Variants in AIRE observed in about 807,000 individuals in gnomAD.
The protein encoded by AIRE is autoimmune regulator, also known as autoimmune polyendocrinopathy candidiasis ectodermal dystrophy protein.
In AIRE, 52 loss-of-function variants were observed where a neutral mutation model predicts 62.1. That is an observed-to-expected ratio of 0.84 (90% CI 0.67 to 1.06). The LOEUF (loss-of-function observed/expected upper bound fraction) is 1.06. AIRE is among the 50% of genes least tolerant of loss of function. The pLI, the probability that AIRE is intolerant of heterozygous loss-of-function variation, is 0.00. For synonymous variants in AIRE, 342 were observed against 321.6 expected (o/e 1.06, Z -0.68); for missense variants, 774 against 755.8 (o/e 1.02, Z -0.28).
In AIRE at chr21:44,286,481, T is replaced by G. The variant is rs2040483078; in HGVS notation, c.133-76T>G. 3 of 1,495,246 alleles carry G rather than the reference T, an allele frequency of 2.0e-6. No individual in the cohort carries two copies. Among genetic ancestry groups the G allele is most frequent in the Middle Eastern group, 2.2e-4 (1 of 4,508 alleles). 92.6% of individuals were successfully genotyped at this position (1,495,246 alleles called of 1,614,324 possible). On this transcript the variant is annotated intron_variant, in intron 1 of 13. Transcript: ENST00000291582. The surrounding 1 kb of genome is among the most constrained non-coding windows in gnomAD (Gnocchi z 6.0). ...GCGCCTCTGCCTGGGAGCTCCACCC[T>G]CTAGTCATGATGGAGATGGGCAGGC...
In AIRE at chr21:44,297,775, G is replaced by T; in HGVS notation, c.*48G>T. ...GCTCTGATGAGAGAGTGCTGAGAAG[G>T]ACACCTCCTTCCTCAGTCCTGGAAG... On this transcript the variant is annotated 3_prime_UTR_variant, in exon 14 of 14. Coordinates refer to ENST00000291582, the MANE Select transcript of AIRE (RefSeq NM_000383.4). The surrounding 1 kb of genome is among the most constrained non-coding windows in gnomAD (Gnocchi z 4.8). 1 of 1,555,212 alleles carries T rather than the reference G, an allele frequency of 6.4e-7. No homozygotes were observed. Among genetic ancestry groups the T allele is most frequent in the Non-Finnish European group, 8.9e-7 (1 of 1,129,512 alleles).
In AIRE at chr21:44,298,067, G is replaced by A. The variant is rs2040630198; in HGVS notation, c.*340G>A. The A allele has an allele frequency of 8.3e-6, 3 of 360,088 alleles. No individual in the cohort carries two copies. Among genetic ancestry groups the A allele is most frequent in the South Asian group, 7.4e-5 (3 of 40,480 alleles). The allele number at this position is 360,088 out of a possible 1,614,324, so 22.3% of individuals were successfully genotyped here. ...GAATCACTTGAACTCGGGAGGTGGA[G>A]GTTGCAGTGAGCTGAGATTGCGCCA... On this transcript the variant is annotated 3_prime_UTR_variant, in exon 14 of 14. Transcript: ENST00000291582.
chr21:44,287,625 C>T lies in AIRE; in HGVS notation c.538+34C>T. 3.2e-6 allele frequency: 5 copies of T among 1,539,516 alleles called. No individual in the cohort carries two copies. Among genetic ancestry groups the T allele is most frequent in the Non-Finnish European group, 4.4e-6 (5 of 1,139,822 alleles). The stretch of plus-strand genomic sequence containing the variant: ...GGCCCAGTGGGAGCGCCTCCCTTCT[C>T]CCTGGCCAGGGGCAAGGGGTCAGGG... On this transcript the variant is annotated intron_variant, in intron 4 of 13. Coordinates refer to ENST00000291582, the MANE Select transcript of AIRE (RefSeq NM_000383.4). This position sits in a 1 kb window ranked among gnomAD's most constrained non-coding sequence, Gnocchi z 4.3.
rs199612115 is a variant in AIRE, at chr21:44,288,459, G to T, written c.652+1G>T. ...CTCATCCAGCAGGTGTTTGAGTCAG[G>T]TAGACGCTGTGGCGGGGAGATGGGG... On this transcript the variant is annotated splice_donor_variant, in intron 5 of 13. Transcript: ENST00000291582. LOFTEE classifies it high-confidence loss of function. 2.3e-5 allele frequency: 36 copies of T among 1,592,044 alleles called. No homozygotes were observed. In the East Asian group the frequency reaches 7.1e-4, roughly 32 times the overall value.
intron 10 of AIRE, among the ~76,000 whole-genome samples, chr21:44,293,520 A>G (rs1384019461): frequency 2.6e-5 from 4 of 152,044 alleles, no homozygotes; most frequent in Non-Finnish European, 4.4e-5. Context: ...CTCAGCCCCA[A>G]AGGAGGCCAG....
In AIRE at chr21:44,286,363, C is replaced by A. The variant is rs977368278; in HGVS notation, c.133-194C>A. ...ACCCCCAAGCCAAGGGAATGGCCTC[C>A]AGGTTCCCCCAGCCCCACCCTCAAC... is the stretch of plus-strand genomic sequence containing the variant. On this transcript the variant is annotated intron_variant, in intron 1 of 13. Coordinates refer to ENST00000291582, the MANE Select transcript of AIRE (RefSeq NM_000383.4). This position sits in a 1 kb window ranked among gnomAD's most constrained non-coding sequence, Gnocchi z 6.0. 6.6e-6 allele frequency among the ~76,000 whole-genome samples: 1 copy of A among 152,014 alleles called. No homozygotes were observed. The highest frequency in any genetic ancestry group is 2.4e-5 in the African/African-American group (1 of 41,374).
intron 10 of AIRE, among the ~76,000 whole-genome samples, chr21:44,293,423 T>C (rs1319326291): frequency 6.6e-6 from 1 of 152,002 alleles, no homozygotes; most frequent in Non-Finnish European, 1.5e-5. Flanking sequence ...GGGGGGGATG[T>C]CCCAGCACAC....
chr21:44,289,509 A>C, intron 5 of AIRE, 148 bp from the exon 6 acceptor site: 1 of 1,024,536 alleles, frequency 9.8e-7, no homozygotes, highest in Non-Finnish European at 1.4e-6. Context: ...CCCGGGCCCC[A>C]GACTCGACTG....
Position 44,294,476 on chromosome 21 carries a change from C to A in AIRE, c.1476C>A (p.Pro492=), listed in dbSNP as rs72650679. ...APVEGVLAPS[P]ARLAPGPAKD... ...TGGAGGGGGTGCTGGCCCCCAGCCC[C>A]GCCCGCCTGGCCCCTGGGCCTGCCA... Residue 492 remains proline, a synonymous_variant, in exon 12 of 14, where the codon CCC becomes CCA. Transcript: ENST00000291582. 9.1e-6 allele frequency: 14 copies of A among 1,542,812 alleles called. No individual in the cohort carries two copies. The Admixed American group carries it at 1.9e-4, about 21-fold the overall frequency.
chr21:44,293,675 A>G, intron 10 of AIRE, 114 bp from the exon 11 acceptor site: 1 of 1,511,164 alleles, frequency 6.6e-7, no homozygotes, highest in South Asian at 1.2e-5. Flanking sequence ...ACTTGCGCCT[A>G]GACCCGCCGT....
At position 44,286,713 on chromosome 21, in the gene AIRE, C is replaced by G; in HGVS notation, c.289C>G (p.Leu97Val). ...LERYGRLQPI[L>V]DSFPKDVDLS... ...GCGCTATGGCCGGCTGCAGCCCATC[C>G]TGGACAGCTTCCCCAAAGGTGGGTC... The change falls in exon 2 of 14, where the codon CTG (leucine) becomes GTG (valine). Residue 97 changes from leucine (L) to valine (V), a missense_variant. This residue lies in a region of AIRE where 385 missense variants were observed against 396.0 expected (regional missense o/e 0.97). Transcript: ENST00000291582. The surrounding 1 kb of genome is among the most constrained non-coding windows in gnomAD (Gnocchi z 6.0). The G allele has an allele frequency of 6.2e-7, 1 of 1,612,990 alleles. No individual in the cohort carries two copies. Among genetic ancestry groups the G allele is most frequent in the Non-Finnish European group, 8.5e-7 (1 of 1,180,002 alleles).
chr21:44,289,275 A>T, intron 5 of AIRE: 1 of 267,776 alleles, frequency 3.7e-6, no homozygotes, highest in Non-Finnish European at 6.6e-6. Context: ...TCCTGGGCTC[A>T]GGACCCACCG....
At position 44,294,461 on chromosome 21, in the gene AIRE, G is replaced by C. The variant is rs1054098810; in HGVS notation, c.1461G>C (p.Val487=). The change falls in exon 12 of 14, where the codon GTG becomes GTC. Residue 487 remains valine, a synonymous_variant. Coordinates refer to ENST00000291582, the MANE Select transcript of AIRE (RefSeq NM_000383.4). ...TGACCCCAGCCCCTGTGGAGGGGGTGCTGGCCCCCAGCCCCGCCCGCCTGG... is the reference window on the plus strand; with the variant it reads ...TGACCCCAGCCCCTGTGGAGGGGGTCCTGGCCCCCAGCCCCGCCCGCCTGG... ...GDVTPAPVEG[V]LAPSPARLAP... 3 of 1,560,810 alleles carry C rather than the reference G, an allele frequency of 1.9e-6. No homozygotes were observed. Among genetic ancestry groups the C allele is most frequent in the African/African-American group, 2.7e-5 (2 of 74,004 alleles).
Position 44,286,633 on chromosome 21 carries a change from A to T in AIRE, c.209A>T (p.Asp70Val), listed in dbSNP as rs2040485034. ...CTCCTGTCCTGGCTGCTGACCCAGG[A>T]CTCCACAGCCATCCTGGACTTCTGG... ...HALLSWLLTQ[D>V]STAILDFWRV... The change falls in exon 2 of 14, where the codon GAC becomes GTC. Residue 70 changes from aspartate to valine, a missense_variant. Physicochemically the swap from Asp to Val is radical, Grantham distance 152. Transcript: ENST00000291582. The surrounding 1 kb of genome is among the most constrained non-coding windows in gnomAD (Gnocchi z 6.0). 1 of 1,612,778 alleles carries T rather than the reference A, an allele frequency of 6.2e-7. No individual in the cohort carries two copies. The highest frequency in any genetic ancestry group is 8.5e-7 in the Non-Finnish European group (1 of 1,179,932).
In AIRE at chr21:44,286,512, G is replaced by A. The variant is rs1312744184; in HGVS notation, c.133-45G>A. 3 of 1,577,182 alleles carry A rather than the reference G, an allele frequency of 1.9e-6. No individual in the cohort carries two copies. Among genetic ancestry groups the A allele is most frequent in the Admixed American group, 1.7e-5 (1 of 58,116 alleles). On this transcript the variant is annotated intron_variant, in intron 1 of 13. Transcript: ENST00000291582. This position sits in a 1 kb window ranked among gnomAD's most constrained non-coding sequence, Gnocchi z 6.0. ...CATGATGGAGATGGGCAGGCCGCAGGGTGTGGGGGACCATGGCAGGGACCC... is the reference window on the plus strand; with the variant it reads ...CATGATGGAGATGGGCAGGCCGCAGAGTGTGGGGGACCATGGCAGGGACCC...
chr21:44,292,243 G>A (rs915427618), intron 8 of AIRE, 59 bp from the exon 9 acceptor site: 3 of 1,407,558 alleles, frequency 2.1e-6, no homozygotes, highest in East Asian at 2.5e-5. Flanking sequence ...CCGTGGGTTT[G>A]GGGATCTGTC....
chr21:44,290,869 C>T (rs1001352930), intron 7 of AIRE: 1 of 1,604,744 alleles, frequency 6.2e-7, no homozygotes, highest in East Asian at 2.3e-5. Flanking sequence ...ACCGGGTTTT[C>T]TTCCCAATAG....
In AIRE at chr21:44,286,657, G is replaced by A. The variant is rs1057516499; in HGVS notation, c.233G>A (p.Trp78Ter). Residue 78 changes from tryptophan (W) to a stop codon, truncating the protein, a stop_gained, in exon 2 of 14, where the codon TGG becomes TAG. Coordinates refer to ENST00000291582, the MANE Select transcript of AIRE (RefSeq NM_000383.4). LOFTEE classifies it high-confidence loss of function. The surrounding 1 kb of genome is among the most constrained non-coding windows in gnomAD (Gnocchi z 6.0). ...GACTCCACAGCCATCCTGGACTTCT[G>A]GAGGGTGCTGTTCAAGGACTACAAC... ...TQDSTAILDF[W>*]RVLFKDYNLE... The A allele has an allele frequency of 3.1e-6, 5 of 1,613,088 alleles. No homozygotes were observed. Among genetic ancestry groups the A allele is most frequent in the Non-Finnish European group, 4.2e-6 (5 of 1,180,016 alleles).
In AIRE at chr21:44,287,612, G is replaced by T; in HGVS notation, c.538+21G>T. 1 of 1,548,330 alleles carries T rather than the reference G, an allele frequency of 6.5e-7. No homozygotes were observed. The highest frequency in any genetic ancestry group is 8.7e-7 in the Non-Finnish European group (1 of 1,145,776). ...GAACGGTGAGCGGGGCCCAGTGGGA[G>T]CGCCTCCCTTCTCCCTGGCCAGGGG... On this transcript the variant is annotated intron_variant, in intron 4 of 13. Transcript: ENST00000291582. The surrounding 1 kb of genome is among the most constrained non-coding windows in gnomAD (Gnocchi z 4.3).
Sources: gnomAD v4.1 joint callset for allele counts (sites outside exome capture counted in the v4.1 genomes callset) on GRCh38, gnomAD v4.1.1 for gene constraint, gnomAD v4.1.1 regional missense constraint, Gnocchi (gnomAD v3.1) non-coding constraint, MANE v1.5 for transcripts, NCBI Gene and HGNC (gene_info 2026-07-23, HGNC 2026-07-21) for gene names.